The following TOR3A variants were observed in gnomAD, a reference collection of about 807,000 sequenced individuals.
TOR3A encodes the protein torsin family 3 member A.
Under a neutral mutation model 42.1 loss-of-function variants are expected in TOR3A, and 44 were observed. The observed-to-expected ratio is 1.04, with a 90% CI of 0.82 to 1.34. TOR3A has a LOEUF of 1.34. TOR3A is among the 40% of genes most tolerant of loss of function. The pLI is 0.00. For missense variants in TOR3A, 521 were observed against 507.6 expected (o/e 1.03, Z -0.25); for synonymous variants, 227 against 213.2 (o/e 1.06, Z -0.57).
chr1:179,085,467 A>G (rs1572573092), intron 2 of TOR3A, 161 bp from the exon 3 acceptor site: 1 of 820,246 alleles, frequency 1.2e-6, no homozygotes, highest in Non-Finnish European at 2.0e-6. Flanking sequence ...CCCTTCTGCT[A>G]CAAAGTCTGC....
chr1:179,086,593 G>C (rs1652442595), intron 3 of TOR3A, among the ~76,000 whole-genome samples: 2 of 151,756 alleles, frequency 1.3e-5, no homozygotes, highest in Non-Finnish European at 1.5e-5. Flanking sequence ...GTGAACCCGG[G>C]AGGCGGAGCT....
chr1:179,083,581 C>CGGGGGGGG (rs78979955), intron 2 of TOR3A, among the ~76,000 whole-genome samples: 2 of 102,644 alleles, frequency 1.9e-5, no homozygotes, highest in Admixed American at 2.3e-4. Context: ...TTAGTAGAGG[C>CGGGGGGGG]GGGGGGGGGG....
rs138598531 is a variant in TOR3A at position 179,095,010 on chromosome 1, T to C, written c.986T>C (p.Ile329Thr). 1,817 of 1,614,226 alleles carry C rather than the reference T, an allele frequency of 1.1e-3. 2 individuals carry two copies. The highest frequency in any genetic ancestry group is 1.2e-3 in the Non-Finnish European group (1,385 of 1,180,044). Residue 329 changes from isoleucine (I) to threonine (T), a missense_variant, in exon 6 of 6, where the codon ATT becomes ACT. Transcript: ENST00000367627. ...AGCCGTCTTGTGAAGGAAAACCTGATTGACTACTTCATCCCCTTCCTGCCT... is the reference window on the plus strand; with the variant it reads ...AGCCGTCTTGTGAAGGAAAACCTGACTGACTACTTCATCCCCTTCCTGCCT... ...GHSRLVKENL[I>T]DYFIPFLPLE...
intron 3 of TOR3A, among the ~76,000 whole-genome samples, chr1:179,087,650 GCTGT>G (rs1319714636): frequency 6.6e-6 from 1 of 152,100 alleles, no homozygotes; most frequent in Non-Finnish European, 1.5e-5. Context: ...TCCTTTCTAG[GCTGT>G]CTCCTAGTCC....
Position 179,095,260 on chromosome 1 carries a change from A to G in TOR3A, c.*42A>G, listed in dbSNP as rs753572796. On this transcript the variant is annotated 3_prime_UTR_variant, in exon 6 of 6. Coordinates refer to ENST00000367627, the MANE Select transcript of TOR3A (RefSeq NM_022371.4). ...TCCTGGAACTGCCTTTCTTCCACTA[A>G]CAGGACCCTGGGACCTGTAGGAGCA... 6.2e-7 allele frequency: 1 copy of G among 1,610,288 alleles called. No individual in the cohort carries two copies.
chr1:179,094,426 T>C (rs1313216108), intron 5 of TOR3A, among the ~76,000 whole-genome samples: 1 of 152,106 alleles, frequency 6.6e-6, no homozygotes, highest in Non-Finnish European at 1.5e-5. Flanking sequence ...GAAATAGTAG[T>C]TTGCACTGGC....
In TOR3A at chr1:179,085,905, C is replaced by G. The variant is rs1652422851; in HGVS notation, c.639+12C>G. ...TGGACCTGTACAAGGTGAGGCCGAC[C>G]AGGGCTGGGGTGAGGCCTCTGTGCT... is the stretch of plus-strand genomic sequence containing the variant. On this transcript the variant is annotated intron_variant, in intron 3 of 5. Transcript: ENST00000367627. 1.2e-6 allele frequency: 2 copies of G among 1,611,676 alleles called. No homozygotes were observed. Among genetic ancestry groups the G allele is most frequent in the Non-Finnish European group, 8.5e-7 (1 of 1,178,678 alleles).
chr1:179,093,847 T>C (rs1652660776), intron 4 of TOR3A, among the ~76,000 whole-genome samples: 1 of 152,150 alleles, frequency 6.6e-6, no homozygotes, highest in African/African-American at 2.4e-5. Flanking sequence ...TCCCTGCACT[T>C]AGCACAGTCT....
In TOR3A at chr1:179,082,518, C is replaced by T. The variant is rs1359072571; in HGVS notation, c.259+131C>T. The T allele has an allele frequency of 4.5e-6, 6 of 1,341,196 alleles. No homozygotes were observed. The Admixed American group carries it at 1.0e-4, about 22-fold the overall frequency. The allele number at this position is 1,341,196 out of a possible 1,614,324, so 83.1% of individuals were successfully genotyped here. ...TCCTGCTCTGCTCAGCCGCCGGTAC[C>T]GGCTGTGGGCGGGGGCAGCCTCCGC... On this transcript the variant is annotated intron_variant, in intron 1 of 5. Transcript: ENST00000367627.
chr1:179,095,383 G>C lies in TOR3A; in HGVS notation c.*165G>C. The C allele has an allele frequency of 6.8e-7, 1 of 1,476,194 alleles. No individual in the cohort carries two copies. Among genetic ancestry groups the C allele is most frequent in the Non-Finnish European group, 8.9e-7 (1 of 1,122,380 alleles). 91.4% of individuals were successfully genotyped at this position (1,476,194 alleles called of 1,614,324 possible). On this transcript the variant is annotated 3_prime_UTR_variant, in exon 6 of 6. Transcript: ENST00000367627. ...TGTGTAAAAGGCAGGCCTTACATTAGAAGCCAAGCCAATCCTTTTTCTTTT... is the reference window on the plus strand; with the variant it reads ...TGTGTAAAAGGCAGGCCTTACATTACAAGCCAAGCCAATCCTTTTTCTTTT...
intron 2 of TOR3A, chr1:179,085,425 A>AG: frequency 4.6e-6 from 2 of 430,406 alleles, no homozygotes; most frequent in Non-Finnish European, 8.3e-6. Context: ...TCCATCTCAA[A>AG]AAAAAAAAAA....
chr1:179,088,602 G>A lies in TOR3A; in HGVS notation c.818+513G>A, dbSNP rs139433646. 860 of 152,414 alleles carry A rather than the reference G, an allele frequency of 5.6e-3. 2 individuals carry two copies. The highest frequency in any genetic ancestry group is 9.2e-3 in the Non-Finnish European group (625 of 68,162). 9.4% of individuals were successfully genotyped at this position (152,414 alleles called of 1,614,324 possible). ...AGCCTTGGAAGTCTGTTTCTTCTCC[G>A]ATTATGAGAAGTCATCACTGGCTTA... On this transcript the variant is annotated intron_variant, in intron 4 of 5. Transcript: ENST00000367627.
chr1:179,092,866 G>A (rs570492961), intron 4 of TOR3A, among the ~76,000 whole-genome samples: 1 of 151,850 alleles, frequency 6.6e-6, no homozygotes, highest in East Asian at 1.9e-4. Context: ...TAGCTGGGTA[G>A]GGTGGCATGT....
rs929475204 is a variant in TOR3A, at chr1:179,092,659, C to T, written c.819-1434C>T. On this transcript the variant is annotated intron_variant, in intron 4 of 5. Transcript: ENST00000367627. ...GTCAGGAGTTTGAGACCAGCCTGGC[C>T]AACATGGTGAAACCCTGTCTCTACT... 2.6e-5 allele frequency among the ~76,000 whole-genome samples: 4 copies of T among 152,244 alleles called. 1 individual carries two copies. In the South Asian group the frequency reaches 8.3e-4, roughly 32 times the overall value.
intron 3 of TOR3A, among the ~76,000 whole-genome samples, chr1:179,086,964 A>G (rs114923203): frequency 0.021 from 3,181 of 152,278 alleles, 81 homozygotes; most frequent in African/African-American, 0.059. Flanking sequence ...CAGTTTCCAT[A>G]TGGCTTTGGA....
chr1:179,087,739 A>T (rs937837877), intron 3 of TOR3A, among the ~76,000 whole-genome samples, 172 bp from the exon 4 acceptor site: 3 of 144,890 alleles, frequency 2.1e-5, no homozygotes, highest in African/African-American at 7.5e-5. Flanking sequence ...GTCAGATGCA[A>T]ATGTCCTAGG....
In TOR3A at chr1:179,088,079, C is replaced by T; in HGVS notation, c.808C>T (p.Leu270=). ...HRAESPWTIF[L]FLSNLRGDII... ...GGCTGAGTCTCCATGGACTATCTTT[C>T]TGTTTCTCAGGTGGGTTCTGGGGAA... The change falls in exon 4 of 6, where the codon CTG becomes TTG. Residue 270 remains leucine, a synonymous_variant. Coordinates refer to ENST00000367627, the MANE Select transcript of TOR3A (RefSeq NM_022371.4). 1.3e-6 allele frequency: 2 copies of T among 1,590,338 alleles called. No individual in the cohort carries two copies. Among genetic ancestry groups the T allele is most frequent in the African/African-American group, 1.4e-5 (1 of 73,810 alleles).
In TOR3A at chr1:179,095,514, G is replaced by C. The variant is rs2102548158; in HGVS notation, c.*296G>C. 1 of 1,233,628 alleles carries C rather than the reference G, an allele frequency of 8.1e-7. No individual in the cohort carries two copies. Among genetic ancestry groups the C allele is most frequent in the Non-Finnish European group, 1.0e-6 (1 of 982,990 alleles). The allele number at this position is 1,233,628 out of a possible 1,614,324, so 76.4% of individuals were successfully genotyped here. A position where few individuals can be genotyped will look rare whatever the true frequency, so the allele number is the denominator to read the frequency against. ...CCTTAAAGACACGCATTCCAAAGTG[G>C]AATGTGGTTGAAGAAAGTGGGCCAG... On this transcript the variant is annotated 3_prime_UTR_variant, in exon 6 of 6. Coordinates refer to ENST00000367627, the MANE Select transcript of TOR3A (RefSeq NM_022371.4).
At chr1:179,094,681 C>T (rs568978611) in intron 5 of TOR3A, among the ~76,000 whole-genome samples, 40 of 152,164 alleles carry the variant, frequency 2.6e-4, no homozygotes, top group African/African-American at 9.6e-4. Flanking sequence ...GAGATCTAGA[C>T]CAGTCTGGCC....
Sources: allele counts gnomAD v4.1 joint callset (sites outside exome capture counted in the v4.1 genomes callset), GRCh38; gene constraint gnomAD v4.1.1; transcripts MANE v1.5; gene names NCBI Gene and HGNC (gene_info 2026-07-23, HGNC 2026-07-21).